The following CACNA1D variants were observed in gnomAD, a reference collection of about 807,000 sequenced individuals.
The protein encoded by CACNA1D is voltage-dependent L-type calcium channel subunit alpha-1D.
Under a neutral mutation model 257.1 loss-of-function variants are expected in CACNA1D, and 55 were observed. The observed-to-expected ratio is 0.21, with a 90% CI of 0.17 to 0.27. The LOEUF is 0.27. Ranked by LOEUF, CACNA1D falls within the 10% of genes least tolerant of loss-of-function variation. The pLI is 1.00. For missense variants in CACNA1D, 1,876 were observed against 2,784.0 expected, an observed-to-expected ratio of 0.67 and a Z score of 7.34; for synonymous variants, 980 against 1,014.9, an observed-to-expected ratio of 0.97 and a Z score of 0.65.
chr3:53,806,000 A>G (rs1471077976), intron 45 of CACNA1D, among the ~76,000 whole-genome samples: 2 of 45,048 alleles, frequency 4.4e-5, no homozygotes, highest in Non-Finnish European at 8.1e-5. Context: ...TTCCTCCCTC[A>G]TCTTCCCTCC....
At chr3:53,809,397 G>A (rs988150891) in intron 46 of CACNA1D, 12 of 172,128 alleles carry the variant, frequency 7.0e-5, no homozygotes, top group East Asian at 6.1e-4. Flanking sequence ...ATTCGTGCAC[G>A]ACAGGGTGGT....
chr3:53,542,831 G>A (rs2092327827), intron 3 of CACNA1D, among the ~76,000 whole-genome samples: 1 of 152,062 alleles, frequency 6.6e-6, no homozygotes, highest in South Asian at 2.1e-4. Flanking sequence ...GAGGCGGGTG[G>A]ATCACCTGAG....
intron 8 of CACNA1D, among the ~76,000 whole-genome samples, chr3:53,676,861 T>C (rs1177092431): frequency 6.6e-6 from 1 of 152,250 alleles, no homozygotes. Context: ...CATGCATGAA[T>C]ATAGATGAAT....
intron 3 of CACNA1D, among the ~76,000 whole-genome samples, chr3:53,537,352 C>G (rs1223446254): frequency 6.6e-6 from 1 of 152,160 alleles, no homozygotes; most frequent in African/African-American, 2.4e-5. Context: ...TTTCATAACT[C>G]TTCGTCTTAT....
At chr3:53,611,946 G>A (rs561166733) in intron 3 of CACNA1D, among the ~76,000 whole-genome samples, 4 of 152,218 alleles carry the variant, frequency 2.6e-5, no homozygotes, top group South Asian at 2.1e-4. Flanking sequence ...AACAAGCTAC[G>A]GTCTGGGATT....
At chr3:53,750,769 G>A (rs923174099) in intron 27 of CACNA1D, among the ~76,000 whole-genome samples, 5 of 152,140 alleles carry the variant, frequency 3.3e-5, no homozygotes, top group Admixed American at 6.5e-5. Flanking sequence ...GAGCAGCGCC[G>A]GGTCCCAGAC....
chr3:53,663,641 A>G (rs565108212), intron 5 of CACNA1D, among the ~76,000 whole-genome samples: 3 of 152,120 alleles, frequency 2.0e-5, no homozygotes, highest in African/African-American at 7.2e-5. Flanking sequence ...GGTAGCTTCT[A>G]TTAGGTTGGT....
In CACNA1D at chr3:53,538,538, TA is replaced by T. The variant is rs543069171; in HGVS notation, c.483+36819del. Among the ~76,000 whole-genome samples, 229 of 152,366 alleles carry T rather than the reference TA, an allele frequency of 1.5e-3. 1 individual carries two copies. Among genetic ancestry groups the T allele is most frequent in the African/African-American group, 5.1e-3 (210 of 41,584 alleles). On this transcript the variant is annotated intron_variant, in intron 3 of 47. Coordinates refer to ENST00000350061, the MANE Select transcript of CACNA1D (RefSeq NM_001128840.3). ...TTTTGGTTTTTGTAATTTTTAAAAGTATGATATATTTTAGCATATTTACTGT... is the reference window on the plus strand; with the variant it reads ...TTTTGGTTTTTGTAATTTTTAAAAGTTGATATATTTTAGCATATTTACTGT...
chr3:53,800,205 G>A lies in CACNA1D; in HGVS notation c.4924-44G>A, dbSNP rs780430600. The A allele has an allele frequency of 1.5e-6, 2 of 1,371,250 alleles. No individual in the cohort carries two copies. The highest frequency in any genetic ancestry group is 2.1e-6 in the Non-Finnish European group (2 of 958,168). 84.9% of individuals were successfully genotyped at this position (1,371,250 alleles called of 1,614,324 possible). A position where few individuals can be genotyped will look rare whatever the true frequency, so the allele number is the denominator to read the frequency against. Reference sequence around the variant, plus strand: ...AGCCAGGACCCAGGCTGGCCCCAGGGCCCATGTGTGGTCTAACCTGTTCTG... The same window carrying A: ...AGCCAGGACCCAGGCTGGCCCCAGGACCCATGTGTGGTCTAACCTGTTCTG... On this transcript the variant is annotated intron_variant, in intron 40 of 47. Coordinates refer to ENST00000350061, the MANE Select transcript of CACNA1D (RefSeq NM_001128840.3). This position sits in a 1 kb window ranked among gnomAD's most constrained non-coding sequence, Gnocchi z 4.3.
At chr3:53,511,074 TG>T (rs1434743127) in intron 3 of CACNA1D, among the ~76,000 whole-genome samples, 10 of 152,184 alleles carry the variant, frequency 6.6e-5, no homozygotes, top group Admixed American at 1.3e-4. Context: ...TTTATGTCCC[TG>T]TTAGTTGGGG....
intron 3 of CACNA1D, among the ~76,000 whole-genome samples, chr3:53,644,300 C>T (rs2093996089): frequency 6.6e-6 from 1 of 152,200 alleles, no homozygotes; most frequent in Non-Finnish European, 1.5e-5. Flanking sequence ...TCTATTACCT[C>T]ACATGCTTAT....
chr3:53,543,609 C>G (rs1046082903), intron 3 of CACNA1D, among the ~76,000 whole-genome samples: 6 of 152,228 alleles, frequency 3.9e-5, no homozygotes, highest in Admixed American at 3.9e-4. Context: ...TGATTGCTTA[C>G]TATGTGCTAA....
chr3:53,745,629 G>A lies in CACNA1D; in HGVS notation c.3012G>A (p.Val1004=), dbSNP rs1255975420. The change falls in exon 24 of 48, where the codon GTG becomes GTA. Residue 1004 remains valine (V), a synonymous_variant. Transcript: ENST00000350061. ...AINRAKGLKH[V]VQCVFVAIRT... is the part of the protein sequence containing the mutation. ...CCCCTCTGCCCTCTCCGCAGCACGT[G>A]GTCCAGTGCGTCTTCGTGGCCATCC... 1.2e-6 allele frequency: 2 copies of A among 1,610,460 alleles called. No individual in the cohort carries two copies. Among genetic ancestry groups the A allele is most frequent in the Non-Finnish European group, 8.5e-7 (1 of 1,176,798 alleles).
intron 1 of CACNA1D, among the ~76,000 whole-genome samples, chr3:53,496,187 C>T (rs2090337760): frequency 6.6e-6 from 1 of 152,370 alleles, no homozygotes; most frequent in African/African-American, 2.4e-5. Context: ...ACCTCTCTCA[C>T]TTCTGCTTCA....
intron 40 of CACNA1D, among the ~76,000 whole-genome samples, chr3:53,792,955 G>A (rs565309124): frequency 6.6e-6 from 1 of 152,366 alleles, no homozygotes; most frequent in South Asian, 2.1e-4. Context: ...GGTTCTCACA[G>A]CACAGTCCAC....
intron 40 of CACNA1D, chr3:53,791,551 T>C (rs1258254736): frequency 6.5e-6 from 1 of 154,510 alleles, no homozygotes; most frequent in Admixed American, 6.4e-5. Flanking sequence ...GAGTTCCTTT[T>C]GTATGCCAGT....
chr3:53,796,054 C>T (rs2095506127), intron 40 of CACNA1D: 2 of 229,636 alleles, frequency 8.7e-6, no homozygotes, highest in Non-Finnish European at 1.8e-5. Flanking sequence ...AAGGGGTGTG[C>T]CCACGTGTGA....
intron 3 of CACNA1D, among the ~76,000 whole-genome samples, chr3:53,515,256 G>A (rs1322731561): frequency 1.3e-5 from 2 of 152,076 alleles, no homozygotes; most frequent in Non-Finnish European, 2.9e-5. Flanking sequence ...TCTCTGCTTG[G>A]CCCAGGTGGG....
chr3:53,770,285 A>G (rs2095359221), intron 31 of CACNA1D, 139 bp from the exon 32 acceptor site: 4 of 897,210 alleles, frequency 4.5e-6, no homozygotes, highest in South Asian at 4.1e-5. Flanking sequence ...CTTTCATATC[A>G]TGCTTTTTAA....
Sources: allele counts gnomAD v4.1 joint callset (sites outside exome capture counted in the v4.1 genomes callset), GRCh38; gene constraint gnomAD v4.1.1; non-coding constraint Gnocchi (gnomAD v3.1); transcripts MANE v1.5; gene names NCBI Gene and HGNC (gene_info 2026-07-23, HGNC 2026-07-21).